Variants in EPHB1 observed in about 807,000 individuals in gnomAD.
EPHB1 encodes the protein ephrin type-B receptor 1.
EPHB1 carries 30 observed loss-of-function variants against 94.4 expected under a neutral mutation model. The ratio of observed to expected loss-of-function variants is 0.32; its 90% CI spans 0.24 to 0.43. The LOEUF (loss-of-function observed/expected upper bound fraction) is 0.43, where lower values mean the gene tolerates loss of function less well. Among genes scored for constraint, EPHB1 ranks in the 20% least tolerant of loss-of-function variants. EPHB1 has a pLI of 1.00. For missense variants in EPHB1, 1,055 were observed against 1,308.3 expected (o/e 0.81, Z 2.99); for synonymous variants, 522 against 489.1 (o/e 1.07, Z -0.89).
intron 3 of EPHB1, among the ~76,000 whole-genome samples, chr3:134,972,880 G>T (rs986814146): frequency 2.0e-5 from 3 of 152,118 alleles, no homozygotes; most frequent in Non-Finnish European, 2.9e-5. Context: ...GTCCTGCCTT[G>T]CTGTGACAAC....
At chr3:135,032,625 G>A (rs986859005) in intron 3 of EPHB1, among the ~76,000 whole-genome samples, 5 of 152,276 alleles carry the variant, frequency 3.3e-5, no homozygotes, top group African/African-American at 7.2e-5. Context: ...TGTGAGTGGC[G>A]GGGGCTGATT....
At chr3:135,141,971 G>T (rs1459907408) in intron 5 of EPHB1, among the ~76,000 whole-genome samples, 2 of 152,226 alleles carry the variant, frequency 1.3e-5, no homozygotes, top group African/African-American at 4.8e-5. Flanking sequence ...AGTATAGTTT[G>T]CGAGTACAGA....
At chr3:134,903,582 A>G (rs1296314511) in intron 1 of EPHB1, among the ~76,000 whole-genome samples, 3 of 151,996 alleles carry the variant, frequency 2.0e-5, no homozygotes, top group African/African-American at 7.3e-5. Context: ...TTGGGGCTGG[A>G]AGTTTGGGGT....
At chr3:134,865,349 G>A (rs1014009734) in intron 1 of EPHB1, among the ~76,000 whole-genome samples, 16 of 152,088 alleles carry the variant, frequency 1.1e-4, no homozygotes, top group African/African-American at 3.1e-4. Context: ...GAAAATGTTA[G>A]GAATCACTGA....
intron 1 of EPHB1, among the ~76,000 whole-genome samples, chr3:134,895,819 G>A (rs1442246030): frequency 6.6e-6 from 1 of 152,124 alleles, no homozygotes; most frequent in Non-Finnish European, 1.5e-5. Context: ...GGATGGACAG[G>A]GTGAAGGAGT....
chr3:134,927,620 G>A (rs546350752), intron 2 of EPHB1, among the ~76,000 whole-genome samples: 92 of 152,162 alleles, frequency 6.0e-4, no homozygotes, highest in Non-Finnish European at 1.1e-3. Flanking sequence ...CATAATTTAT[G>A]GTTAATTTTT....
chr3:134,979,108 T>C (rs2107732519), intron 3 of EPHB1, among the ~76,000 whole-genome samples: 1 of 152,340 alleles, frequency 6.6e-6, no homozygotes, highest in Non-Finnish European at 1.5e-5. Flanking sequence ...AGGATTTTTC[T>C]TTGGGGAAAT....
intron 1 of EPHB1, among the ~76,000 whole-genome samples, chr3:134,878,153 T>A (rs2037656490): frequency 1.3e-5 from 2 of 152,346 alleles, no homozygotes; most frequent in Non-Finnish European, 2.9e-5. Context: ...TGGGAGAATC[T>A]TCTGGCCCCA....
intron 6 of EPHB1, among the ~76,000 whole-genome samples, chr3:135,155,685 G>A (rs975098190): frequency 1.4e-5 from 2 of 142,926 alleles, no homozygotes; most frequent in Admixed American, 6.8e-5. Context: ...GGCTACTCGG[G>A]AGGCTGAGGC....
intron 3 of EPHB1, among the ~76,000 whole-genome samples, chr3:134,959,525 C>T (rs1933420796): frequency 6.6e-6 from 1 of 152,126 alleles, no homozygotes. Context: ...GTTTTTATAC[C>T]TTATTTCTTC....
intron 13 of EPHB1, among the ~76,000 whole-genome samples, chr3:135,246,925 A>T (rs546061637): frequency 9.2e-5 from 14 of 152,282 alleles, no homozygotes; most frequent in African/African-American, 3.4e-4. Flanking sequence ...CTATGCATAG[A>T]AACTGTAAAA....
At chr3:135,224,988 C>T (rs1943360053) in intron 12 of EPHB1, among the ~76,000 whole-genome samples, 1 of 152,216 alleles carries the variant, frequency 6.6e-6, no homozygotes, top group Non-Finnish European at 1.5e-5. Context: ...TCACTCTCTG[C>T]TCTGCCTGCA....
At chr3:135,168,816 G>T (rs912147868) in intron 9 of EPHB1, among the ~76,000 whole-genome samples, 3 of 152,176 alleles carry the variant, frequency 2.0e-5, no homozygotes, top group Non-Finnish European at 4.4e-5. Flanking sequence ...ATGTCAGTCT[G>T]AAAGTGGAGC....
intron 13 of EPHB1, among the ~76,000 whole-genome samples, chr3:135,245,366 T>C (rs1269976844): frequency 6.6e-6 from 1 of 152,092 alleles, no homozygotes; most frequent in Non-Finnish European, 1.5e-5. Context: ...CACTATGTAG[T>C]ACTATCACCA....
chr3:134,957,104 C>T (rs1055484931), intron 3 of EPHB1, among the ~76,000 whole-genome samples: 2 of 152,196 alleles, frequency 1.3e-5, no homozygotes, highest in African/African-American at 4.8e-5. Context: ...AGAGAAGACT[C>T]TCCAAGCCCA....
intron 1 of EPHB1, among the ~76,000 whole-genome samples, chr3:134,850,965 G>A (rs2036970324): frequency 6.6e-6 from 1 of 152,272 alleles, no homozygotes; most frequent in South Asian, 2.1e-4. Flanking sequence ...GCATCACAAT[G>A]GAAGGATGGG....
intron 3 of EPHB1, among the ~76,000 whole-genome samples, chr3:135,038,235 T>A (rs1305471502): frequency 2.6e-5 from 4 of 152,202 alleles, no homozygotes; most frequent in African/African-American, 7.2e-5. Flanking sequence ...CTTTGACACA[T>A]ATCCAAAGAA....
intron 3 of EPHB1, among the ~76,000 whole-genome samples, chr3:135,007,342 T>C (rs1408758686): frequency 6.6e-6 from 1 of 152,172 alleles, no homozygotes; most frequent in East Asian, 1.9e-4. Flanking sequence ...CTTCTGGTGG[T>C]CTCCAGCCCC....
intron 1 of EPHB1, among the ~76,000 whole-genome samples, chr3:134,808,647 C>T (rs1224971457): frequency 2.0e-5 from 3 of 152,018 alleles, no homozygotes; most frequent in African/African-American, 7.3e-5. Context: ...CTGTGATGGT[C>T]CTGAAGATGA....
Sources: allele counts gnomAD v4.1 joint callset (sites outside exome capture counted in the v4.1 genomes callset), GRCh38; gene constraint gnomAD v4.1.1; transcripts MANE v1.5; gene names NCBI Gene and HGNC (gene_info 2026-07-23, HGNC 2026-07-21).